The following LRRTM4 variants were observed in gnomAD, a reference collection of about 807,000 sequenced individuals.
The protein encoded by LRRTM4 is leucine-rich repeat transmembrane neuronal protein 4.
In LRRTM4, 25 loss-of-function variants were observed where a neutral mutation model predicts 47.6. The observed-to-expected ratio is 0.53, with a 90% CI of 0.38 to 0.73. The LOEUF (loss-of-function observed/expected upper bound fraction) is 0.73. Among genes scored for constraint, LRRTM4 ranks in the 30% least tolerant of loss-of-function variants. LRRTM4 has a pLI of 0.00. For missense variants in LRRTM4, 638 were observed against 713.4 expected (o/e 0.89, Z 1.20); for synonymous variants, 311 against 269.5 (o/e 1.15, Z -1.51).
chr2:77,362,170 A>AAAGG lies in LRRTM4; in HGVS notation c.1551+156144_1551+156147dup, dbSNP rs1553434339. ...GAAAGAAAGAAAGAAAGAAAGAAAGAAAGGAAGGAAGGAAGAGTTCTTAAT... is the reference window on the plus strand; with the variant it reads ...GAAAGAAAGAAAGAAAGAAAGAAAGAAAGGAAGGAAGGAAGGAAGAGTTCTTAAT... On this transcript the variant is annotated intron_variant, in intron 3 of 3. Transcript: ENST00000409884. Among the ~76,000 whole-genome samples, 1,176 of 133,388 alleles carry AAAGG rather than the reference A, an allele frequency of 8.8e-3. 11 individuals carry two copies. The highest frequency in any genetic ancestry group is 0.013 in the Admixed American group (171 of 13,564). 87.5% of individuals were successfully genotyped at this position (133,388 alleles called of 152,430 possible). A position where few individuals can be genotyped will look rare whatever the true frequency, so the allele number is the denominator to read the frequency against.
intron 3 of LRRTM4, among the ~76,000 whole-genome samples, chr2:77,428,507 G>A (rs916104640): frequency 6.6e-6 from 1 of 152,120 alleles, no homozygotes; most frequent in African/African-American, 2.4e-5. Context: ...TTATATTTGA[G>A]AATCACTCAT....
intron 3 of LRRTM4, among the ~76,000 whole-genome samples, chr2:77,368,933 T>C (rs987053801): frequency 6.6e-6 from 1 of 151,808 alleles, no homozygotes; most frequent in Non-Finnish European, 1.5e-5. Context: ...TTTTTGATAA[T>C]GGCTTCACCA....
intron 3 of LRRTM4, among the ~76,000 whole-genome samples, chr2:77,284,069 T>C (rs1024936881): frequency 6.6e-6 from 1 of 152,106 alleles, no homozygotes; most frequent in African/African-American, 2.4e-5. Flanking sequence ...TATCTAAAAA[T>C]AACACTTTTA....
chr2:77,418,141 AG>A (rs1674720275), intron 3 of LRRTM4, among the ~76,000 whole-genome samples: 2 of 152,182 alleles, frequency 1.3e-5, no homozygotes, highest in South Asian at 4.1e-4. Flanking sequence ...TTCTGTGTCA[AG>A]GGTTCTTAGC....
chr2:77,303,809 A>G (rs989156315), intron 3 of LRRTM4, among the ~76,000 whole-genome samples: 1 of 152,152 alleles, frequency 6.6e-6, no homozygotes, highest in African/African-American at 2.4e-5. Flanking sequence ...ATGGCTGAAT[A>G]GTATCCCATT....
At chr2:76,817,504 A>C (rs1271488294) in intron 3 of LRRTM4, among the ~76,000 whole-genome samples, 2 of 151,972 alleles carry the variant, frequency 1.3e-5, no homozygotes, top group East Asian at 3.9e-4. Context: ...CCTCACAAAA[A>C]TACTAGTTAT....
rs114123477 is a variant in LRRTM4, at chr2:77,361,072, A to G, written c.1551+157246T>C. On this transcript the variant is annotated intron_variant, in intron 3 of 3. Transcript: ENST00000409884. ...CTTATTACAGCCTCATAAAATTACC[A>G]ATTTTATCTGGATTCTAAGCTATGC... is the stretch of plus-strand genomic sequence containing the variant. Among the ~76,000 whole-genome samples the G allele has an allele frequency of 2.6e-3, 401 of 152,114 alleles. 3 individuals are homozygous for G. The highest frequency in any genetic ancestry group is 8.4e-3 in the African/African-American group (347 of 41,504).
At chr2:77,051,248 G>A in intron 3 of LRRTM4, among the ~76,000 whole-genome samples, 1 of 152,020 alleles carries the variant, frequency 6.6e-6, no homozygotes, top group Admixed American at 6.6e-5. Context: ...CAAAACGTTG[G>A]TAGTGCAAGT....
chr2:76,900,516 T>A (rs555658286), intron 3 of LRRTM4, among the ~76,000 whole-genome samples: 1 of 152,260 alleles, frequency 6.6e-6, no homozygotes, highest in Admixed American at 6.5e-5. Flanking sequence ...GTCTTTCTTG[T>A]GTGCCAAAGC....
intron 3 of LRRTM4, among the ~76,000 whole-genome samples, chr2:77,268,657 G>T (rs1573171703): frequency 1.3e-5 from 2 of 152,054 alleles, no homozygotes; most frequent in South Asian, 2.1e-4. Flanking sequence ...TTAAAAAGCT[G>T]ATATACAATA....
intron 3 of LRRTM4, among the ~76,000 whole-genome samples, chr2:77,168,488 G>A (rs1672953607): frequency 6.6e-6 from 1 of 151,994 alleles, no homozygotes; most frequent in South Asian, 2.1e-4. Context: ...TATGTACAAT[G>A]TGTAATGATT....
At chr2:76,901,861 C>T (rs145793197) in intron 3 of LRRTM4, among the ~76,000 whole-genome samples, 9 of 152,262 alleles carry the variant, frequency 5.9e-5, no homozygotes, top group African/African-American at 2.2e-4. Context: ...AGTAGGCATA[C>T]TGTGTGCATT....
At chr2:77,499,482 G>A (rs571144397) in intron 3 of LRRTM4, among the ~76,000 whole-genome samples, 1 of 151,792 alleles carries the variant, frequency 6.6e-6, no homozygotes, top group Non-Finnish European at 1.5e-5. Flanking sequence ...AGATATTAAG[G>A]CATGATAGGA....
At chr2:77,220,417 G>C (rs1674585070) in intron 3 of LRRTM4, among the ~76,000 whole-genome samples, 1 of 152,130 alleles carries the variant, frequency 6.6e-6, no homozygotes, top group African/African-American at 2.4e-5. Flanking sequence ...CGAGCTAAAG[G>C]AGGAAGTTCG....
At chr2:77,049,776 C>T (rs563576680) in intron 3 of LRRTM4, among the ~76,000 whole-genome samples, 112 of 152,062 alleles carry the variant, frequency 7.4e-4, no homozygotes, top group Non-Finnish European at 1.4e-3. Context: ...CCTTGCTGTG[C>T]AGAAGCTGTT....
chr2:77,185,626 T>C (rs538150359), intron 3 of LRRTM4, among the ~76,000 whole-genome samples: 1 of 152,144 alleles, frequency 6.6e-6, no homozygotes, highest in Non-Finnish European at 1.5e-5. Flanking sequence ...TAAGTCAAAC[T>C]AAAGTATAAA....
chr2:76,921,925 C>A (rs1674445290), intron 3 of LRRTM4, among the ~76,000 whole-genome samples: 1 of 151,996 alleles, frequency 6.6e-6, no homozygotes, highest in Non-Finnish European at 1.5e-5. Flanking sequence ...AATAAAATCA[C>A]TATCTGAAGA....
chr2:77,490,083 C>T (rs1023437231), intron 3 of LRRTM4, among the ~76,000 whole-genome samples: 1 of 152,060 alleles, frequency 6.6e-6, no homozygotes, highest in African/African-American at 2.4e-5. Context: ...AACCCCATCT[C>T]TACTAAAAAT....
At chr2:76,801,485 A>G (rs965960886) in intron 3 of LRRTM4, among the ~76,000 whole-genome samples, 2 of 152,082 alleles carry the variant, frequency 1.3e-5, no homozygotes, top group Non-Finnish European at 2.9e-5. Context: ...GGACACAGGA[A>G]GGAGAATATC....
Sources: allele counts gnomAD v4.1 joint callset (sites outside exome capture counted in the v4.1 genomes callset), GRCh38; gene constraint gnomAD v4.1.1; transcripts MANE v1.5; gene names NCBI Gene and HGNC (gene_info 2026-07-23, HGNC 2026-07-21).